The following SHTN1 variants were observed in gnomAD, a reference collection of about 807,000 sequenced individuals.
SHTN1 encodes shootin-1.
In SHTN1, 42 loss-of-function variants were observed where a neutral mutation model predicts 83.1. The observed-to-expected ratio is 0.51, with a 90% CI of 0.39 to 0.65. SHTN1 has a LOEUF of 0.65. Ranked by LOEUF, SHTN1 falls within the 30% of genes least tolerant of loss-of-function variation. The pLI is 0.00. For missense variants in SHTN1, 622 were observed against 737.8 expected (o/e 0.84, Z 1.82); for synonymous variants, 224 against 247.7 (o/e 0.90, Z 0.90).
Position 116,951,969 on chromosome 10 carries a change from C to A in SHTN1, c.474G>T (p.Lys158Asn). The change falls in exon 6 of 17, where the codon AAG becomes AAT. Residue 158 changes from lysine (K) to asparagine (N), a missense_variant. This residue lies in a region of SHTN1 where 383 missense variants were observed against 455.8 expected (regional missense o/e 0.84). Transcript: ENST00000355371. The part of the protein sequence containing the change: ...RDQIVSVQEE[K>N]KILAIELENL... ...TTTCCAGCTCAATGGCTAAAATCTT[C>A]TTTTCCTCCTGAACAGATACAATTT... 1 of 1,600,496 alleles carries A rather than the reference C, an allele frequency of 6.2e-7. No homozygotes were observed. Among genetic ancestry groups the A allele is most frequent in the Non-Finnish European group, 8.5e-7 (1 of 1,171,922 alleles).
chr10:117,058,873 G>A (rs1202703296), intron 1 of SHTN1, among the ~76,000 whole-genome samples: 1 of 152,184 alleles, frequency 6.6e-6, no homozygotes. Context: ...ATTAGGCTAA[G>A]TGAAATAAGC....
chr10:116,944,474 T>G (rs1244354143), intron 8 of SHTN1, among the ~76,000 whole-genome samples: 3 of 152,208 alleles, frequency 2.0e-5, no homozygotes, highest in Non-Finnish European at 4.4e-5. Context: ...CTTTTGACAA[T>G]GAACTTGATA....
rs1852991043 is a variant in SHTN1 at position 117,065,856 on chromosome 10, A to AGAAAGGAG, written c.-188-17347_-188-17346insCTCCTTTC. ...AGGAAGGAAGGAAGGAAGGAAGGAA[A>AGAAAGGAG]GGAGGGAGGGAGGGAGGGAGGGAGG... On this transcript the variant is annotated intron_variant, in intron 1 of 17. Transcript: ENST00000392901. Among the ~76,000 whole-genome samples the AGAAAGGAG allele has an allele frequency of 8.1e-5, 3 of 37,060 alleles. No individual in the cohort carries two copies. In the Admixed American group the frequency reaches 1.0e-3, roughly 13 times the overall value. 24.3% of individuals were successfully genotyped at this position (37,060 alleles called of 152,430 possible).
intron 8 of SHTN1, among the ~76,000 whole-genome samples, chr10:116,943,137 T>G (rs1488813549): frequency 6.6e-6 from 1 of 152,234 alleles, no homozygotes; most frequent in African/African-American, 2.4e-5. Context: ...CTTGCTTTCT[T>G]TCTCTCCTCA....
intron 1 of SHTN1, among the ~76,000 whole-genome samples, chr10:117,107,036 T>G (rs1281376404): frequency 6.6e-6 from 1 of 152,134 alleles, no homozygotes; most frequent in Non-Finnish European, 1.5e-5. Flanking sequence ...GAAGGTATCT[T>G]TAAAGAGAAT....
chr10:116,960,147 A>G lies in SHTN1; in HGVS notation c.256T>C (p.Leu86=). 1 of 1,603,476 alleles carries G rather than the reference A, an allele frequency of 6.2e-7. No homozygotes were observed. The highest frequency in any genetic ancestry group is 8.5e-7 in the Non-Finnish European group (1 of 1,170,738). ...EKTCRESAEA[L]ATKLNKENKT... ...ATTTGAAGTCTCACCTTTGTTGCCA[A>G]AGCTTCAGCACTTTCTCGACAAGTC... is the stretch of plus-strand genomic sequence containing the variant. The change falls in exon 4 of 17, where the codon TTG becomes CTG. Residue 86 remains leucine, a synonymous_variant. Transcript: ENST00000355371.
chr10:116,995,906 T>C (rs1851609993), intron 1 of SHTN1, among the ~76,000 whole-genome samples: 1 of 152,178 alleles, frequency 6.6e-6, no homozygotes, highest in Admixed American at 6.5e-5. Flanking sequence ...GAGAGCTATC[T>C]ATCTAAGACT....
intron 12 of SHTN1, among the ~76,000 whole-genome samples, chr10:116,919,959 T>G (rs1223456404): frequency 2.6e-5 from 4 of 152,152 alleles, no homozygotes; most frequent in African/African-American, 9.7e-5. Flanking sequence ...TCATTCAATA[T>G]GCATGAAAGC....
intron 9 of SHTN1, among the ~76,000 whole-genome samples, chr10:116,932,647 C>T (rs148898736): frequency 2.0e-3 from 307 of 152,188 alleles, no homozygotes; most frequent in South Asian, 9.1e-3. Context: ...CTATAATATT[C>T]AGTAGGTTAG....
intron 2 of SHTN1, among the ~76,000 whole-genome samples, chr10:117,037,638 A>G (rs894609133): frequency 6.6e-6 from 1 of 152,176 alleles, no homozygotes; most frequent in African/African-American, 2.4e-5. Flanking sequence ...GACTGACACT[A>G]CCCAGCTTTA....
intron 1 of SHTN1, among the ~76,000 whole-genome samples, chr10:116,987,479 T>C (rs1314266238): frequency 1.3e-5 from 2 of 151,962 alleles, no homozygotes; most frequent in African/African-American, 4.8e-5. Context: ...TGCTAAGAAG[T>C]AGCAAGTGAA....
At chr10:117,095,433 G>C (rs910422249) in intron 1 of SHTN1, among the ~76,000 whole-genome samples, 1 of 152,124 alleles carries the variant, frequency 6.6e-6, no homozygotes, top group Non-Finnish European at 1.5e-5. Flanking sequence ...ACCCAGGGGG[G>C]AAACCACACA....
At chr10:117,064,126 C>T (rs959717044) in intron 1 of SHTN1, among the ~76,000 whole-genome samples, 1 of 152,206 alleles carries the variant, frequency 6.6e-6, no homozygotes, top group African/African-American at 2.4e-5. Context: ...GCTGGAAAGT[C>T]ATATATTCTT....
At chr10:116,893,210 A>T (rs1340152970) in intron 16 of SHTN1, among the ~76,000 whole-genome samples, 1 of 152,158 alleles carries the variant, frequency 6.6e-6, no homozygotes, top group African/African-American at 2.4e-5. Context: ...GGCAGTCCAC[A>T]GGATAACTCC....
rs767616321 is a variant in SHTN1 at position 116,940,596 on chromosome 10, T to C, written c.728A>G (p.Asn243Ser). The C allele has an allele frequency of 6.2e-7, 1 of 1,607,844 alleles. No individual in the cohort carries two copies. Among genetic ancestry groups the C allele is most frequent in the Non-Finnish European group, 8.5e-7 (1 of 1,176,376 alleles). ...SFAQEMFIEQ[N>S]KLKRQSHLLL... The stretch of plus-strand genomic sequence containing the variant: ...AAGGTGGCTTTGTCTCTTTAGCTTG[T>C]TTTGCTCAATGAACATCTGCAAAAG... The change falls in exon 9 of 17, where the codon AAC (asparagine) becomes AGC (serine). Residue 243 changes from asparagine (N) to serine (S), a missense_variant. Coordinates refer to ENST00000355371, the MANE Select transcript of SHTN1 (RefSeq NM_001127211.3).
At chr10:116,989,062 T>C (rs1408906552) in intron 1 of SHTN1, among the ~76,000 whole-genome samples, 1 of 152,164 alleles carries the variant, frequency 6.6e-6, no homozygotes. Context: ...CATATAATTA[T>C]GTCAGTTAAA....
chr10:117,013,005 T>C (rs976061343), intron 2 of SHTN1, among the ~76,000 whole-genome samples: 4 of 152,234 alleles, frequency 2.6e-5, no homozygotes, highest in Non-Finnish European at 5.9e-5. Context: ...ATTTTGAGCC[T>C]AGAAGTTTAA....
chr10:117,086,509 GTTCT>G (rs1335711537), intron 1 of SHTN1, among the ~76,000 whole-genome samples: 4 of 152,064 alleles, frequency 2.6e-5, no homozygotes, highest in African/African-American at 7.2e-5. Flanking sequence ...TGCCACTCTT[GTTCT>G]TTCTTTTTTG....
chr10:117,033,402 C>T (rs1202324844), intron 2 of SHTN1, among the ~76,000 whole-genome samples: 1 of 152,130 alleles, frequency 6.6e-6, no homozygotes, highest in Non-Finnish European at 1.5e-5. Context: ...CTATGAGCAA[C>T]TACATGCCAG....
Sources: gnomAD v4.1 joint callset for allele counts (sites outside exome capture counted in the v4.1 genomes callset) on GRCh38, gnomAD v4.1.1 for gene constraint, gnomAD v4.1.1 regional missense constraint, MANE v1.5 for transcripts, NCBI Gene and HGNC (gene_info 2026-07-23, HGNC 2026-07-21) for gene names.